Variants in ARHGAP39 observed in about 807,000 individuals in gnomAD.
The protein encoded by ARHGAP39 is Rho GTPase activating protein 39.
Under a neutral mutation model 106.9 loss-of-function variants are expected in ARHGAP39, and 44 were observed. The ratio of observed to expected loss-of-function variants is 0.41; its 90% CI spans 0.32 to 0.53. The LOEUF (loss-of-function observed/expected upper bound fraction) is 0.53. ARHGAP39 is among the 20% of genes least tolerant of loss of function. The pLI, the probability that ARHGAP39 is intolerant of heterozygous loss-of-function variation, is 0.21. For missense variants in ARHGAP39, 1,496 were observed against 1,577.3 expected (o/e 0.95, Z 0.87); for synonymous variants, 768 against 693.2 (o/e 1.11, Z -1.69).
intron 1 of ARHGAP39, among the ~76,000 whole-genome samples, chr8:144,648,410 G>A (rs1325486663): frequency 6.6e-6 from 1 of 152,182 alleles, no homozygotes; most frequent in Non-Finnish European, 1.5e-5. Flanking sequence ...CTCCCACAAG[G>A]AAACAAGAGC....
In ARHGAP39 at chr8:144,530,384, G is replaced by A. The variant is rs1816629140; in HGVS notation, c.*38C>T. 1.9e-6 allele frequency: 3 copies of A among 1,553,400 alleles called. No individual in the cohort carries two copies. Among genetic ancestry groups the A allele is most frequent in the East Asian group, 2.4e-5 (1 of 41,746 alleles). On this transcript the variant is annotated 3_prime_UTR_variant, in exon 12 of 12. Coordinates refer to ENST00000377307, the MANE Select transcript of ARHGAP39 (RefSeq NM_025251.3). The stretch of plus-strand genomic sequence containing the variant: ...CGAGTGCGGAGTTCGGCCTGGCTGG[G>A]GGCGGCAGGACATCCCTCCTGTCCC...
the ARHGAP39 span, among the ~76,000 whole-genome samples, chr8:144,691,899 C>T: frequency 3.9e-5 from 6 of 152,140 alleles, no homozygotes; most frequent in South Asian, 1.2e-3. Context: ...ATTGACTACG[C>T]AAGCAGGGGC....
the ARHGAP39 span, among the ~76,000 whole-genome samples, chr8:144,697,796 T>G: frequency 1.3e-4 from 20 of 152,280 alleles, no homozygotes; most frequent in African/African-American, 4.8e-4. Flanking sequence ...CCGGCCTGTT[T>G]TTTCTCTTTT....
chr8:144,678,973 G>A (rs1822314928), intron 1 of ARHGAP39, among the ~76,000 whole-genome samples: 1 of 152,138 alleles, frequency 6.6e-6, no homozygotes, highest in Non-Finnish European at 1.5e-5. Flanking sequence ...CTGTTCAGGG[G>A]GAACTGGCAA....
intron 9 of ARHGAP39, 145 bp from the exon 10 acceptor site, chr8:144,532,541 T>G: frequency 1.5e-6 from 1 of 679,602 alleles, no homozygotes; most frequent in Non-Finnish European, 2.5e-6. Flanking sequence ...GTTGGCCTCT[T>G]TCCCACGAAC....
At chr8:144,582,179 A>T (rs929855480) in intron 2 of ARHGAP39, among the ~76,000 whole-genome samples, 2 of 152,200 alleles carry the variant, frequency 1.3e-5, no homozygotes, top group African/African-American at 2.4e-5. Context: ...AGCGGACACC[A>T]GGCCCAGACA....
intron 1 of ARHGAP39, among the ~76,000 whole-genome samples, chr8:144,618,647 C>T (rs962225995): frequency 6.6e-6 from 1 of 152,218 alleles, no homozygotes; most frequent in Non-Finnish European, 1.5e-5. Context: ...GCCACCTCCC[C>T]CTCTGCCGGG....
chr8:144,663,364 G>A (rs116477773), intron 1 of ARHGAP39, among the ~76,000 whole-genome samples: 12 of 152,268 alleles, frequency 7.9e-5, no homozygotes, highest in African/African-American at 2.9e-4. Context: ...ACAGGAATGA[G>A]AGCTGGCATG....
the ARHGAP39 span, among the ~76,000 whole-genome samples, chr8:144,692,428 T>C: frequency 1.3e-5 from 2 of 152,334 alleles, no homozygotes; most frequent in African/African-American, 4.8e-5. Context: ...CCAGTCAGCA[T>C]GGCCTGGGGC....
At chr8:144,596,795 G>A (rs900413346) in intron 2 of ARHGAP39, among the ~76,000 whole-genome samples, 5 of 152,192 alleles carry the variant, frequency 3.3e-5, no homozygotes, top group East Asian at 3.8e-4. Flanking sequence ...GACCTGGCAC[G>A]TGCTGCAGGA....
Position 144,537,738 on chromosome 8 carries a change from T to C in ARHGAP39, c.2597A>G (p.Tyr866Cys), listed in dbSNP as rs762853026. Residue 866 changes from tyrosine to cysteine, a missense_variant, in exon 7 of 12, where the codon TAT becomes TGT. By Grantham distance (194) the Tyr-to-Cys change is radical. Around this residue, in one of 4 missense-constraint regions of ARHGAP39, gnomAD observed 470 missense variants for 605.1 expected, o/e 0.78. Transcript: ENST00000377307. ...KSKLRKKPKP[Y>C]VEEPDGVAIS... Reference sequence around the variant, plus strand: ...GGCCCTACCATCCGGCTCTTCAACATAAGGCTTGGGTTTCTTTCTCAATTT... The same window carrying C: ...GGCCCTACCATCCGGCTCTTCAACACAAGGCTTGGGTTTCTTTCTCAATTT... 4.2e-5 allele frequency: 68 copies of C among 1,613,198 alleles called. No homozygotes were observed. The highest frequency in any genetic ancestry group is 5.4e-5 in the Non-Finnish European group (64 of 1,179,470).
rs770434970 is a variant in ARHGAP39, at chr8:144,644,264, A to G, written c.-81-38569T>C. Among the ~76,000 whole-genome samples, 2 of 152,220 alleles carry G rather than the reference A, an allele frequency of 1.3e-5. No homozygotes were observed. The highest frequency in any genetic ancestry group is 2.9e-5 in the Non-Finnish European group (2 of 68,040). On this transcript the variant is annotated intron_variant, in intron 1 of 11. Coordinates refer to ENST00000377307, the MANE Select transcript of ARHGAP39 (RefSeq NM_025251.3). The surrounding 1 kb of genome is among the most constrained non-coding windows in gnomAD (Gnocchi z 4.8). ...GGCTCTAAGGCTAAAAGAGCCCTCC[A>G]GAAACCCTGGAGAAAGTGTTTTAAA...
chr8:144,666,692 T>C (rs777506370), intron 1 of ARHGAP39, among the ~76,000 whole-genome samples: 3 of 152,200 alleles, frequency 2.0e-5, no homozygotes, highest in East Asian at 1.9e-4. Flanking sequence ...TCCCCAGCCA[T>C]GTGGAACGGT....
At chr8:144,631,339 T>C (rs1159787085) in intron 1 of ARHGAP39, among the ~76,000 whole-genome samples, 2 of 152,264 alleles carry the variant, frequency 1.3e-5, no homozygotes, top group African/African-American at 4.8e-5. Context: ...TTGCCTGTCC[T>C]TCTGCCCTTC....
intron 1 of ARHGAP39, among the ~76,000 whole-genome samples, chr8:144,608,119 T>C (rs1820360338): frequency 7.3e-6 from 1 of 136,760 alleles, no homozygotes; most frequent in Non-Finnish European, 1.5e-5. Context: ...ATCGTGCCAC[T>C]GTACTCCAGC....
intron 10 of ARHGAP39, 125 bp downstream of exon 10, chr8:144,532,180 A>T: frequency 1.3e-6 from 1 of 788,310 alleles, no homozygotes; most frequent in Non-Finnish European, 2.1e-6. Context: ...ATGTGCTAGA[A>T]GTGACTGGGA....
At chr8:144,583,980 TC>T (rs1180983933) in intron 2 of ARHGAP39, 1 of 152,228 alleles carries the variant, frequency 6.6e-6, no homozygotes, top group Non-Finnish European at 1.5e-5. Context: ...AAACGGTATC[TC>T]CCCGCAGGGG....
rs570847697 is a variant in ARHGAP39, at chr8:144,580,774, C to A, written c.512+72G>T. 1.1e-5 allele frequency: 8 copies of A among 743,866 alleles called. No individual in the cohort carries two copies. The East Asian group carries it at 1.1e-4, about 10-fold the overall frequency. 46.1% of individuals were successfully genotyped at this position (743,866 alleles called of 1,614,324 possible). A position where few individuals can be genotyped will look rare whatever the true frequency, so the allele number is the denominator to read the frequency against. The stretch of plus-strand genomic sequence containing the variant: ...TCTCACCTGGCCCCGCCCACCACCC[C>A]CTACCTGCCTCACCTGGCCCCGCCC... On this transcript the variant is annotated intron_variant, in intron 3 of 11. Coordinates refer to ENST00000377307, the MANE Select transcript of ARHGAP39 (RefSeq NM_025251.3).
intron 1 of ARHGAP39, among the ~76,000 whole-genome samples, chr8:144,678,640 T>A (rs1048536039): frequency 2.0e-5 from 3 of 152,016 alleles, no homozygotes; most frequent in African/African-American, 7.3e-5. Context: ...GGCAGCAGAG[T>A]CACTCGCCTA....
Sources: allele counts gnomAD v4.1 joint callset (sites outside exome capture counted in the v4.1 genomes callset), GRCh38; gene constraint gnomAD v4.1.1; regional missense constraint gnomAD v4.1.1; non-coding constraint Gnocchi (gnomAD v3.1); transcripts MANE v1.5; gene names NCBI Gene and HGNC (gene_info 2026-07-23, HGNC 2026-07-21).